Variants in AIG1 observed in about 807,000 individuals in gnomAD.
The protein encoded by AIG1 is androgen induced 1.
Under a neutral mutation model 31.4 loss-of-function variants are expected in AIG1, and 23 were observed. That is an observed-to-expected ratio of 0.73 (90% CI 0.53 to 1.04). The LOEUF is 1.04. Among genes scored for constraint, AIG1 ranks in the 50% least tolerant of loss-of-function variants. The pLI, the probability that AIG1 is intolerant of heterozygous loss-of-function variation, is 0.00. For synonymous variants in AIG1, 100 were observed against 110.5 expected (o/e 0.90, Z 0.60); for missense variants, 274 against 295.0 (o/e 0.93, Z 0.52).
At chr6:143,216,038 C>T (rs1039081195) in intron 3 of AIG1, among the ~76,000 whole-genome samples, 2 of 151,974 alleles carry the variant, frequency 1.3e-5, no homozygotes, top group African/African-American at 4.8e-5. Flanking sequence ...CTGATCCCTG[C>T]TCTGAGGCAC....
intron 3 of AIG1, among the ~76,000 whole-genome samples, chr6:143,216,352 A>G (rs1340521953): frequency 6.6e-6 from 1 of 152,210 alleles, no homozygotes; most frequent in Non-Finnish European, 1.5e-5. Flanking sequence ...TGGGACAGTC[A>G]TCAGGTATAT....
chr6:143,131,706 T>A (rs1430268382), intron 1 of AIG1, among the ~76,000 whole-genome samples: 1 of 152,208 alleles, frequency 6.6e-6, no homozygotes, highest in African/African-American at 2.4e-5. Context: ...CCAACCTGAA[T>A]GAGCTTGGAA....
At chr6:143,257,219 T>G (rs1795431448) in intron 3 of AIG1, among the ~76,000 whole-genome samples, 1 of 152,224 alleles carries the variant, frequency 6.6e-6, no homozygotes, top group Admixed American at 6.5e-5. Flanking sequence ...TCCTGTGGTC[T>G]CATCCATTCC....
intron 3 of AIG1, among the ~76,000 whole-genome samples, chr6:143,239,858 C>T (rs367864815): frequency 1.5e-4 from 23 of 152,256 alleles, no homozygotes; most frequent in African/African-American, 4.3e-4. Context: ...TTATATTAAC[C>T]GTATCTGGCT....
chr6:143,175,942 A>G (rs1211652333), intron 3 of AIG1, among the ~76,000 whole-genome samples: 1 of 152,238 alleles, frequency 6.6e-6, no homozygotes, highest in Admixed American at 6.5e-5. Flanking sequence ...AAACTATGTC[A>G]GACGGAAGAT....
intron 3 of AIG1, among the ~76,000 whole-genome samples, chr6:143,242,400 G>A (rs1242355637): frequency 6.6e-6 from 1 of 152,160 alleles, no homozygotes; most frequent in Admixed American, 6.5e-5. Context: ...AAACTCTACT[G>A]TATGGCAGTT....
rs534527179 is a variant in AIG1 at position 143,071,912 on chromosome 6, T to A, written c.141+10846T>A. Reference sequence around the variant, plus strand: ...GATCCTCCTACCTCAGCCTCCCGAGTAGCTGGGACTATAGGCATGTGCCAC... The same window carrying A: ...GATCCTCCTACCTCAGCCTCCCGAGAAGCTGGGACTATAGGCATGTGCCAC... On this transcript the variant is annotated intron_variant, in intron 1 of 5. Coordinates refer to ENST00000357847, the MANE Select transcript of AIG1 (RefSeq NM_016108.4). Among the ~76,000 whole-genome samples, 3 of 152,054 alleles carry A rather than the reference T, an allele frequency of 2.0e-5. 1 individual carries two copies. The East Asian group carries it at 5.8e-4, about 29-fold the overall frequency.
chr6:143,239,117 A>G (rs955732785), intron 3 of AIG1, among the ~76,000 whole-genome samples: 2 of 152,214 alleles, frequency 1.3e-5, no homozygotes, highest in Non-Finnish European at 2.9e-5. Flanking sequence ...TGCTTTGCCA[A>G]GGGTGTGCAC....
intron 3 of AIG1, among the ~76,000 whole-genome samples, chr6:143,274,595 A>C (rs993787697): frequency 6.6e-6 from 1 of 152,206 alleles, no homozygotes; most frequent in African/African-American, 2.4e-5. Context: ...TATTCACCTA[A>C]TTGAGACATG....
intron 1 of AIG1, among the ~76,000 whole-genome samples, chr6:143,117,907 T>G (rs1467445677): frequency 6.6e-6 from 1 of 152,224 alleles, no homozygotes; most frequent in East Asian, 1.9e-4. Flanking sequence ...AAATGCTGTC[T>G]TCATGACATG....
At chr6:143,296,978 G>A (rs1335809080) in intron 4 of AIG1, among the ~76,000 whole-genome samples, 1 of 152,202 alleles carries the variant, frequency 6.6e-6, no homozygotes, top group Non-Finnish European at 1.5e-5. Flanking sequence ...TATGCCAGGT[G>A]CAGGAGGTAG....
At chr6:143,301,169 C>T (rs1056714808) in intron 4 of AIG1, among the ~76,000 whole-genome samples, 1 of 152,194 alleles carries the variant, frequency 6.6e-6, no homozygotes, top group African/African-American at 2.4e-5. Context: ...ACAAGTTCCC[C>T]TGTGCTTATC....
At chr6:143,273,876 A>C (rs1380275480) in intron 3 of AIG1, among the ~76,000 whole-genome samples, 1 of 152,194 alleles carries the variant, frequency 6.6e-6, no homozygotes, top group African/African-American at 2.4e-5. Flanking sequence ...TTGGGTGAGG[A>C]CACAGCCAAA....
chr6:143,332,603 G>A (rs556065982), intron 4 of AIG1, among the ~76,000 whole-genome samples: 2 of 152,342 alleles, frequency 1.3e-5, no homozygotes, highest in East Asian at 3.9e-4. Context: ...TGGCATGAGT[G>A]TTGGTGTCTA....
At chr6:143,232,401 C>G (rs1211271186) in intron 3 of AIG1, among the ~76,000 whole-genome samples, 1 of 152,164 alleles carries the variant, frequency 6.6e-6, no homozygotes, top group East Asian at 1.9e-4. Flanking sequence ...GGTTCTTAGT[C>G]AAATAGACTC....
intron 4 of AIG1, among the ~76,000 whole-genome samples, chr6:143,301,681 C>A (rs1798834784): frequency 6.6e-6 from 1 of 152,052 alleles, no homozygotes; most frequent in African/African-American, 2.4e-5. Context: ...AACTCACTAT[C>A]AAAAGAACAG....
chr6:143,105,246 C>T (rs925221378), intron 1 of AIG1, among the ~76,000 whole-genome samples: 3 of 152,162 alleles, frequency 2.0e-5, no homozygotes, highest in African/African-American at 4.8e-5. Flanking sequence ...CATTACACCA[C>T]CACGGCCAGA....
intron 3 of AIG1, among the ~76,000 whole-genome samples, chr6:143,166,729 A>AT (rs1334971483): frequency 2.0e-5 from 3 of 152,038 alleles, no homozygotes; most frequent in Non-Finnish European, 4.4e-5. Context: ...AGCTACTATT[A>AT]TTTTTTTTGT....
At chr6:143,086,834 G>A (rs372615679) in intron 1 of AIG1, among the ~76,000 whole-genome samples, 9 of 152,168 alleles carry the variant, frequency 5.9e-5, no homozygotes, top group East Asian at 1.9e-4. Context: ...AAGATGGGGC[G>A]CACGCATGGG....
Sources: allele counts gnomAD v4.1 joint callset (sites outside exome capture counted in the v4.1 genomes callset), GRCh38; gene constraint gnomAD v4.1.1; transcripts MANE v1.5; gene names NCBI Gene and HGNC (gene_info 2026-07-23, HGNC 2026-07-21).